The following CTNNA3 variants were observed in gnomAD, a reference collection of about 807,000 sequenced individuals.
CTNNA3 encodes catenin alpha-3.
A neutral mutation model predicts 95.7 loss-of-function variants in CTNNA3; 76 were observed. The ratio of observed to expected loss-of-function variants is 0.79; its 90% confidence interval spans 0.66 to 0.96. The LOEUF (loss-of-function observed/expected upper bound fraction) is 0.96. Among genes scored for constraint, CTNNA3 ranks in the 40% least tolerant of loss-of-function variants. CTNNA3 has a pLI of 0.00. For synonymous variants in CTNNA3, 431 were observed against 374.4 expected (o/e 1.15, Z -1.74); for missense variants, 1,191 against 1,089.8 (o/e 1.09, Z -1.31).
intron 3 of CTNNA3, among the ~76,000 whole-genome samples, chr10:67,605,818 C>T (rs529549719): frequency 6.6e-6 from 1 of 152,144 alleles, no homozygotes; most frequent in South Asian, 2.1e-4. Context: ...TTACAGGCGC[C>T]TGCCACCACA....
intron 5 of CTNNA3, among the ~76,000 whole-genome samples, chr10:67,342,099 C>CT (rs764381058): frequency 0.021 from 1,741 of 83,678 alleles, 153 homozygotes; most frequent in African/African-American, 0.066. Flanking sequence ...TATTTTTCTT[C>CT]TTTTTTTTTT....
intron 11 of CTNNA3, among the ~76,000 whole-genome samples, chr10:66,383,006 T>C (rs1009616675): frequency 1.3e-4 from 20 of 152,036 alleles, no homozygotes; most frequent in Admixed American, 1.3e-4. Context: ...GCAGAAAAGA[T>C]GGAAATTCTA....
chr10:67,743,356 T>C (rs1841354113), intron 1 of CTNNA3, among the ~76,000 whole-genome samples: 1 of 150,982 alleles, frequency 6.6e-6, no homozygotes, highest in Admixed American at 6.6e-5. Flanking sequence ...CATACGCAAA[T>C]CAATAAATGT....
At chr10:66,624,150 G>A (rs1001907770) in intron 9 of CTNNA3, among the ~76,000 whole-genome samples, 15 of 152,130 alleles carry the variant, frequency 9.9e-5, no homozygotes, top group African/African-American at 1.4e-4. Context: ...CAAGGATATC[G>A]GGAGTTTTTG....
intron 2 of CTNNA3, among the ~76,000 whole-genome samples, chr10:67,632,126 C>CCACACACA (rs71006156): frequency 0.062 from 8,601 of 138,918 alleles, 426 homozygotes; most frequent in East Asian, 0.19. Context: ...AGTGTCTTAG[C>CCACACACA]CACACACACA....
At chr10:67,628,909 AAAG>A (rs373728534) in intron 2 of CTNNA3, among the ~76,000 whole-genome samples, 4 of 152,024 alleles carry the variant, frequency 2.6e-5, no homozygotes, top group Admixed American at 1.3e-4. Flanking sequence ...ATGGGTCTTC[AAAG>A]AAGTTCATGG....
intron 9 of CTNNA3, among the ~76,000 whole-genome samples, chr10:66,722,118 C>A (rs1301137660): frequency 3.3e-5 from 5 of 152,150 alleles, no homozygotes; most frequent in Admixed American, 6.5e-5. Context: ...GTGGCTCATG[C>A]CTGTAATCCC....
intron 13 of CTNNA3, among the ~76,000 whole-genome samples, chr10:66,131,197 G>A (rs904712568): frequency 1.3e-5 from 2 of 152,012 alleles, no homozygotes; most frequent in African/African-American, 4.8e-5. Context: ...TGGAGGAGGT[G>A]CCCCCTCTTC....
At chr10:66,181,443 T>G (rs551146011) in intron 13 of CTNNA3, among the ~76,000 whole-genome samples, 1 of 152,180 alleles carries the variant, frequency 6.6e-6, no homozygotes, top group Non-Finnish European at 1.5e-5. Context: ...TCTATTATTA[T>G]TATTGCTTTC....
intron 12 of CTNNA3, among the ~76,000 whole-genome samples, chr10:66,361,302 C>T (rs10997086): frequency 0.35 from 50,306 of 142,812 alleles, 10,302 homozygotes; most frequent in Non-Finnish European, 0.46. Flanking sequence ...CAACAAGAAT[C>T]CTCCCCTCCC....
At chr10:67,750,987 G>GGA (rs1841403988) in intron 1 of CTNNA3, 3 of 1,591,632 alleles carry the variant, frequency 1.9e-6, no homozygotes, top group Middle Eastern at 1.7e-4. Context: ...CCAAGATTAA[G>GGA]GAGATTGCTG....
chr10:66,528,868 AGAGGT>A lies in CTNNA3; in HGVS notation c.1375-8100_1375-8096del, dbSNP rs529403444. The stretch of plus-strand genomic sequence containing the variant: ...TTACAAAATAACTTGTTGTCATTTT[AGAGGT>A]GATCAAGAGTGTGCAGTGAAAGACA... On this transcript the variant is annotated intron_variant, in intron 10 of 17. Coordinates refer to ENST00000433211, the MANE Select transcript of CTNNA3 (RefSeq NM_013266.4). 6.6e-3 allele frequency among the ~76,000 whole-genome samples: 1,005 copies of A among 152,288 alleles called. 11 individuals carry two copies. Among genetic ancestry groups the A allele is most frequent in the African/African-American group, 0.023 (954 of 41,558 alleles).
At chr10:66,098,359 T>C (rs1383034246) in intron 14 of CTNNA3, among the ~76,000 whole-genome samples, 3 of 152,180 alleles carry the variant, frequency 2.0e-5, no homozygotes, top group Non-Finnish European at 2.9e-5. Flanking sequence ...CCAGTTAATA[T>C]GGCTTGCATA....
chr10:66,297,621 G>C (rs1165116632), intron 12 of CTNNA3, among the ~76,000 whole-genome samples: 1 of 151,998 alleles, frequency 6.6e-6, no homozygotes, highest in African/African-American at 2.4e-5. Context: ...AAGATGCTTT[G>C]AGCTTCCAGA....
At chr10:66,263,265 A>C (rs1371589995) in intron 13 of CTNNA3, among the ~76,000 whole-genome samples, 2 of 152,004 alleles carry the variant, frequency 1.3e-5, no homozygotes, top group Non-Finnish European at 2.9e-5. Context: ...AAAGTGCACA[A>C]GGCAAAGACT....
At chr10:67,393,380 G>T (rs185193018) in intron 5 of CTNNA3, among the ~76,000 whole-genome samples, 1 of 152,252 alleles carries the variant, frequency 6.6e-6, no homozygotes, top group Non-Finnish European at 1.5e-5. Flanking sequence ...TGGTGGAATG[G>T]CTTTTTGAAG....
At chr10:67,719,867 G>C (rs1161909387) in intron 1 of CTNNA3, among the ~76,000 whole-genome samples, 1 of 152,012 alleles carries the variant, frequency 6.6e-6, no homozygotes, top group African/African-American at 2.4e-5. Context: ...TTAATTTTCT[G>C]TCTCGTTGAT....
intron 1 of CTNNA3, chr10:67,751,127 T>A (rs1841404657): frequency 7.4e-7 from 1 of 1,356,140 alleles, no homozygotes; most frequent in African/African-American, 1.4e-5. Context: ...TTACATTGAA[T>A]GATGAGGAGA....
At chr10:66,888,441 T>A (rs1182875899) in intron 7 of CTNNA3, among the ~76,000 whole-genome samples, 1 of 152,198 alleles carries the variant, frequency 6.6e-6, no homozygotes, top group African/African-American at 2.4e-5. Flanking sequence ...TGTGTTGTTT[T>A]AAGCCACTAG....
Sources: allele counts gnomAD v4.1 joint callset (sites outside exome capture counted in the v4.1 genomes callset), GRCh38; gene constraint gnomAD v4.1.1; transcripts MANE v1.5; gene names NCBI Gene and HGNC (gene_info 2026-07-23, HGNC 2026-07-21).